The following DAPK2 variants were observed in gnomAD, a reference collection of about 807,000 sequenced individuals.
DAPK2 encodes the protein death-associated protein kinase 2.
In DAPK2, 35 loss-of-function variants were observed where a neutral mutation model predicts 44.1. The observed-to-expected ratio is 0.79, with a 90% confidence interval of 0.61 to 1.05. The LOEUF (loss-of-function observed/expected upper bound fraction) is 1.05, where lower values mean the gene tolerates loss of function less well. Among genes scored for constraint, DAPK2 ranks in the 50% least tolerant of loss-of-function variants. DAPK2 has a pLI of 0.00. For missense variants in DAPK2, 453 were observed against 483.2 expected, an observed-to-expected ratio of 0.94 and a Z score of 0.59; for synonymous variants, 174 against 182.6, an observed-to-expected ratio of 0.95 and a Z score of 0.38.
chr15:64,035,219 A>G (rs1444891845), intron 1 of DAPK2, among the ~76,000 whole-genome samples: 1 of 152,146 alleles, frequency 6.6e-6, no homozygotes, highest in African/African-American at 2.4e-5. Context: ...GATAGGAAAC[A>G]AGGAATCACT....
intron 2 of DAPK2, among the ~76,000 whole-genome samples, chr15:63,974,516 T>C (rs149253328): frequency 4.7e-4 from 71 of 152,308 alleles, no homozygotes; most frequent in South Asian, 2.1e-4. Context: ...AATTGGTTAT[T>C]ATTGAAAGAC....
At chr15:64,005,410 C>T (rs1024440759) in intron 1 of DAPK2, among the ~76,000 whole-genome samples, 6 of 151,236 alleles carry the variant, frequency 4.0e-5, no homozygotes, top group African/African-American at 7.3e-5. Context: ...CTTACCTTTC[C>T]TTGACCTAAG....
chr15:63,966,565 T>C lies in DAPK2; in HGVS notation c.453+4858A>G, dbSNP rs1274614266. 6.6e-6 allele frequency among the ~76,000 whole-genome samples: 1 copy of C among 152,204 alleles called. No homozygotes were observed. The highest frequency in any genetic ancestry group is 1.5e-5 in the Non-Finnish European group (1 of 68,030). On this transcript the variant is annotated intron_variant, in intron 3 of 10. Coordinates refer to ENST00000261891, the Ensembl canonical transcript of DAPK2. The surrounding 1 kb of genome is among the most constrained non-coding windows in gnomAD (Gnocchi z 5.5). Reference sequence around the variant, plus strand: ...AAGTTTACTTAGAAACCCAGAGCACTTTAGTCTGCAGTGGTGAGGCTTGCT... The same window carrying C: ...AAGTTTACTTAGAAACCCAGAGCACCTTAGTCTGCAGTGGTGAGGCTTGCT...
chr15:63,925,400 A>C (rs1325886603), intron 7 of DAPK2, among the ~76,000 whole-genome samples: 1 of 151,944 alleles, frequency 6.6e-6, no homozygotes, highest in African/African-American at 2.4e-5. Context: ...CCCCATCCAG[A>C]GCATGCTCTG....
intron 3 of DAPK2, among the ~76,000 whole-genome samples, chr15:63,946,760 T>C (rs1006711845): frequency 1.6e-4 from 24 of 152,252 alleles, no homozygotes; most frequent in Non-Finnish European, 2.8e-4. Flanking sequence ...TGCCTGCTGC[T>C]GAGTGAGGCT....
intron 2 of DAPK2, among the ~76,000 whole-genome samples, chr15:63,975,746 A>G (rs2078327863): frequency 6.6e-6 from 1 of 152,098 alleles, no homozygotes. Context: ...TTACAGGCAC[A>G]TGCCGCTACG....
At chr15:64,044,223 T>C (rs992919724), upstream of DAPK2, among the ~76,000 whole-genome samples, 6 of 152,196 alleles carry the variant, frequency 3.9e-5, no homozygotes, top group South Asian at 2.1e-4. Flanking sequence ...CCCAGGATGA[T>C]ACCCACCTTA....
At position 63,942,326 on chromosome 15, in the gene DAPK2, G is replaced by A. The variant is rs369670577; in HGVS notation, c.454-2965C>T. 22 of 839,514 alleles carry A rather than the reference G, an allele frequency of 2.6e-5. No homozygotes were observed. In the African/African-American group the frequency reaches 3.7e-4, roughly 14 times the overall value. 52.0% of individuals were successfully genotyped at this position (839,514 alleles called of 1,614,324 possible). A position where few individuals can be genotyped will look rare whatever the true frequency, so the allele number is the denominator to read the frequency against. ...AGCACTTTGGGAGGCCAAGGCAGGG[G>A]GTATCACCTGAGGTCAGGCGTTCGA... On this transcript the variant is annotated intron_variant, in intron 3 of 10. Coordinates refer to ENST00000261891, the Ensembl canonical transcript of DAPK2.
chr15:64,035,954 G>C (rs545364424), intron 1 of DAPK2, among the ~76,000 whole-genome samples: 4 of 152,162 alleles, frequency 2.6e-5, no homozygotes, highest in Non-Finnish European at 5.9e-5. Flanking sequence ...GATAAGGATA[G>C]ACAAAGCCTC....
intron 3 of DAPK2, among the ~76,000 whole-genome samples, chr15:63,958,066 G>T (rs190427173): frequency 6.6e-6 from 1 of 152,148 alleles, no homozygotes; most frequent in East Asian, 1.9e-4. Context: ...GTGTGAGATG[G>T]TATCTCATTG....
chr15:63,947,791 T>G (rs1397420701), intron 3 of DAPK2, among the ~76,000 whole-genome samples: 1 of 152,162 alleles, frequency 6.6e-6, no homozygotes, highest in Non-Finnish European at 1.5e-5. Context: ...CCTAACCACA[T>G]TTCCAGGCCC....
intron 1 of DAPK2, among the ~76,000 whole-genome samples, chr15:64,007,127 T>C (rs1320239149): frequency 6.7e-6 from 1 of 150,230 alleles, no homozygotes; most frequent in Non-Finnish European, 1.5e-5. Flanking sequence ...CCTAGCTAAT[T>C]GAAAAAAAAA....
intron 3 of DAPK2, among the ~76,000 whole-genome samples, chr15:63,950,371 A>G (rs1271602873): frequency 6.6e-6 from 1 of 151,812 alleles, no homozygotes; most frequent in Non-Finnish European, 1.5e-5. Flanking sequence ...ATGTACCACC[A>G]CATCTGGCTA....
intron 2 of DAPK2, among the ~76,000 whole-genome samples, chr15:63,978,895 G>A (rs2078427669): frequency 6.6e-6 from 1 of 152,184 alleles, no homozygotes; most frequent in Non-Finnish European, 1.5e-5. Context: ...ATGCCTGCTG[G>A]AAATGCTTTT....
chr15:63,926,176 T>C, intron 6 of DAPK2, 83 bp from the exon 8 acceptor site: 1 of 1,486,242 alleles, frequency 6.7e-7, no homozygotes, highest in Non-Finnish European at 9.1e-7. Context: ...CCCTGCCCCA[T>C]GACTGCTGCA....
chr15:63,908,473 C>A lies in DAPK2; in HGVS notation c.*47G>T. The A allele has an allele frequency of 7.4e-7, 1 of 1,359,474 alleles. No individual in the cohort carries two copies. Among genetic ancestry groups the A allele is most frequent in the South Asian group, 1.3e-5 (1 of 74,748 alleles). 84.2% of individuals were successfully genotyped at this position (1,359,474 alleles called of 1,614,324 possible). On this transcript the variant is annotated 3_prime_UTR_variant, in exon 11 of 11. Coordinates refer to ENST00000261891, the Ensembl canonical transcript of DAPK2. This position sits in a 1 kb window ranked among gnomAD's most constrained non-coding sequence, Gnocchi z 5.7. Reference sequence around the variant, plus strand: ...GTCCAAAAGTCTGCACAGAAGGGAGCCCCGCTGGGCCCAGACCTCCCTGGC... The same window carrying A: ...GTCCAAAAGTCTGCACAGAAGGGAGACCCGCTGGGCCCAGACCTCCCTGGC...
At chr15:63,947,454 C>T (rs1017269746) in intron 3 of DAPK2, among the ~76,000 whole-genome samples, 45 of 152,196 alleles carry the variant, frequency 3.0e-4, no homozygotes, top group African/African-American at 1.0e-3. Context: ...TGGGCCAATG[C>T]GGTCACATAT....
In DAPK2 at chr15:63,942,310, G is replaced by A. The variant is rs144776630; in HGVS notation, c.454-2949C>T. The A allele has an allele frequency of 2.8e-5, 27 of 952,716 alleles. No individual in the cohort carries two copies. In the East Asian group the frequency reaches 3.1e-3, roughly 110 times the overall value. 59.0% of individuals were successfully genotyped at this position (952,716 alleles called of 1,614,324 possible). On this transcript the variant is annotated intron_variant, in intron 3 of 10. Coordinates refer to ENST00000261891, the Ensembl canonical transcript of DAPK2. ...TCACACATGTAATCCTAGCACTTTG[G>A]GAGGCCAAGGCAGGGGGTATCACCT...
intron 10 of DAPK2, 89 bp downstream of exon 11, chr15:63,911,819 T>C: frequency 3.8e-6 from 5 of 1,328,658 alleles, no homozygotes; most frequent in Non-Finnish European, 4.2e-6. Flanking sequence ...AACACCCACC[T>C]GCCTTGTGAG....
Sources: gnomAD v4.1 joint callset for allele counts (sites outside exome capture counted in the v4.1 genomes callset) on GRCh38, gnomAD v4.1.1 for gene constraint, Gnocchi (gnomAD v3.1) non-coding constraint, MANE v1.5 for transcripts, NCBI Gene and HGNC (gene_info 2026-07-23, HGNC 2026-07-21) for gene names.